Variants in RAD51B observed in about 807,000 individuals in gnomAD.
The protein encoded by RAD51B is RAD51 paralog B, also known as DNA repair protein RAD51 homolog 2.
A neutral mutation model predicts 42.2 loss-of-function variants in RAD51B; 38 were observed. The observed-to-expected ratio is 0.90, with a 90% confidence interval of 0.70 to 1.18. The LOEUF (loss-of-function observed/expected upper bound fraction) is 1.18, where lower values mean the gene tolerates loss of function less well. Ranked by LOEUF, RAD51B falls within the 50% of genes most tolerant of loss-of-function variation. The pLI is 0.00. For synonymous variants in RAD51B, 154 were observed against 145.2 expected (o/e 1.06, Z -0.43); for missense variants, 373 against 400.7 (o/e 0.93, Z 0.59).
At chr14:68,468,381 T>A in intron 10 of RAD51B, 131 bp downstream of exon 10, 1 of 978,428 alleles carries the variant, frequency 1.0e-6, no homozygotes, top group Non-Finnish European at 1.6e-6. Flanking sequence ...CATTGGCCAG[T>A]GATATTTACC....
chr14:68,190,319 C>T (rs184940639), intron 7 of RAD51B, among the ~76,000 whole-genome samples: 6 of 152,156 alleles, frequency 3.9e-5, no homozygotes, highest in Admixed American at 6.5e-5. Flanking sequence ...AAAATCAAGG[C>T]TGAAATATCT....
chr14:68,198,170 C>T (rs2079411877), intron 7 of RAD51B, among the ~76,000 whole-genome samples: 1 of 151,934 alleles, frequency 6.6e-6, no homozygotes, highest in Admixed American at 6.6e-5. Flanking sequence ...TATATTTTTC[C>T]AGCGTTCTCT....
At chr14:68,501,148 A>G (rs1194746680) in intron 10 of RAD51B, among the ~76,000 whole-genome samples, 1 of 152,146 alleles carries the variant, frequency 6.6e-6, no homozygotes, top group African/African-American at 2.4e-5. Flanking sequence ...CAGAGAGACA[A>G]TCCACAGGCC....
At chr14:67,860,769 T>C (rs2042138263) in intron 4 of RAD51B, among the ~76,000 whole-genome samples, 1 of 152,232 alleles carries the variant, frequency 6.6e-6, no homozygotes, top group Admixed American at 6.5e-5. Context: ...GGTATATGGA[T>C]GGTCCCTGTA....
At chr14:68,444,494 G>A (rs1233343234) in intron 9 of RAD51B, among the ~76,000 whole-genome samples, 2 of 151,894 alleles carry the variant, frequency 1.3e-5, no homozygotes, top group African/African-American at 4.8e-5. Flanking sequence ...GAGGTTTAGG[G>A]AAAATTTGAA....
intron 8 of RAD51B, among the ~76,000 whole-genome samples, chr14:68,381,651 G>A (rs1402588481): frequency 1.3e-5 from 2 of 152,154 alleles, no homozygotes; most frequent in Non-Finnish European, 2.9e-5. Context: ...ACTCCAGCCT[G>A]CTCAGGCGAC....
intron 7 of RAD51B, among the ~76,000 whole-genome samples, chr14:68,108,588 G>A (rs1206038721): frequency 6.6e-6 from 1 of 151,814 alleles, no homozygotes; most frequent in Admixed American, 6.6e-5. Context: ...AGAGATAAGA[G>A]ATTGCCAGGA....
At chr14:67,957,013 G>A (rs760073789) in intron 7 of RAD51B, among the ~76,000 whole-genome samples, 2 of 152,208 alleles carry the variant, frequency 1.3e-5, no homozygotes, top group African/African-American at 4.8e-5. Flanking sequence ...GCCAGGTGTT[G>A]TGATAGAGTG....
intron 8 of RAD51B, among the ~76,000 whole-genome samples, chr14:68,327,395 T>A (rs1182515625): frequency 3.1e-5 from 4 of 130,452 alleles, no homozygotes; most frequent in African/African-American, 2.8e-5. Context: ...TTTTTTTTTT[T>A]AACAAAGAGT....
chr14:68,491,872 A>G (rs1428152926), intron 10 of RAD51B, among the ~76,000 whole-genome samples: 2 of 152,224 alleles, frequency 1.3e-5, no homozygotes, highest in Non-Finnish European at 2.9e-5. Flanking sequence ...AGATCATGCC[A>G]TTCGTCTGCT....
In RAD51B at chr14:68,424,891, T is replaced by G. The variant is rs536179137; in HGVS notation, c.957+13364T>G. ...CTGAGCTCAAGCAATTCTTCCACCT[T>G]AGCCTCCCAAGTAGCTTGGACTACA... On this transcript the variant is annotated intron_variant, in intron 9 of 10. Coordinates refer to ENST00000471583, the MANE Select transcript of RAD51B (RefSeq NM_133510.4). 2.6e-4 allele frequency among the ~76,000 whole-genome samples: 40 copies of G among 152,272 alleles called. No homozygotes were observed. The South Asian group carries it at 7.9e-3, about 30-fold the overall frequency.
At chr14:68,521,635 A>G (rs900555567) in intron 10 of RAD51B, among the ~76,000 whole-genome samples, 13 of 152,202 alleles carry the variant, frequency 8.5e-5, no homozygotes, top group Admixed American at 2.0e-4. Context: ...AGGCAACCTT[A>G]TACGTTTCAG....
At chr14:68,570,382 A>G (rs745590291) in intron 10 of RAD51B, among the ~76,000 whole-genome samples, 5 of 152,226 alleles carry the variant, frequency 3.3e-5, no homozygotes, top group African/African-American at 7.2e-5. Flanking sequence ...AAACAAGGCT[A>G]TGAGAAACCA....
intron 7 of RAD51B, among the ~76,000 whole-genome samples, chr14:68,095,186 G>A (rs2077170774): frequency 1.3e-5 from 2 of 152,214 alleles, no homozygotes; most frequent in African/African-American, 2.4e-5. Flanking sequence ...TGGTTACTTA[G>A]AAATTAGATG....
intron 7 of RAD51B, among the ~76,000 whole-genome samples, chr14:68,087,913 TA>T (rs2077015437): frequency 4.0e-5 from 5 of 123,920 alleles, no homozygotes; most frequent in African/African-American, 1.6e-4. Context: ...TATAATTATA[TA>T]ATATATTATA....
Position 68,356,460 on chromosome 14 carries a change from T to C in RAD51B, c.854-54964T>C, listed in dbSNP as rs548801071. On this transcript the variant is annotated intron_variant, in intron 8 of 10. Coordinates refer to ENST00000471583, the MANE Select transcript of RAD51B (RefSeq NM_133510.4). The stretch of plus-strand genomic sequence containing the variant: ...AAAAAAAAAAAAAAAAAAAAAGTTA[T>C]GTTTACACTCTACTCTATTAAAAGT... Among the ~76,000 whole-genome samples the C allele has an allele frequency of 2.0e-5, 3 of 151,194 alleles. No homozygotes were observed. The East Asian group carries it at 5.8e-4, about 29-fold the overall frequency.
intron 7 of RAD51B, among the ~76,000 whole-genome samples, chr14:68,211,938 A>G (rs1361300773): frequency 6.6e-6 from 1 of 152,230 alleles, no homozygotes; most frequent in Non-Finnish European, 1.5e-5. Flanking sequence ...TTGTGTTTAC[A>G]GTTTGCCTCT....
At chr14:67,863,824 A>G (rs1041541819) in intron 4 of RAD51B, among the ~76,000 whole-genome samples, 2 of 152,196 alleles carry the variant, frequency 1.3e-5, no homozygotes, top group African/African-American at 4.8e-5. Context: ...ACATTGCTAT[A>G]AAGAACTACC....
At chr14:68,627,472 CT>C (rs2140119943) in intron 10 of RAD51B, 1 of 152,352 alleles carries the variant, frequency 6.6e-6, no homozygotes, top group African/African-American at 2.4e-5. Context: ...TGCACTCCCC[CT>C]GACTTGTCTG....
Sources: gnomAD v4.1 joint callset for allele counts (sites outside exome capture counted in the v4.1 genomes callset) on GRCh38, gnomAD v4.1.1 for gene constraint, MANE v1.5 for transcripts, NCBI Gene and HGNC (gene_info 2026-07-23, HGNC 2026-07-21) for gene names.